The following JAK3 variants were observed in gnomAD, a reference collection of about 807,000 sequenced individuals.
The protein encoded by JAK3 is tyrosine-protein kinase JAK3.
JAK3 carries 88 observed loss-of-function variants against 120.8 expected under a neutral mutation model. The ratio of observed to expected loss-of-function variants is 0.73; its 90% CI spans 0.61 to 0.87. The LOEUF (loss-of-function observed/expected upper bound fraction) is 0.87, where lower values mean the gene tolerates loss of function less well. Among genes scored for constraint, JAK3 ranks in the 40% least tolerant of loss-of-function variants. The probability of loss-of-function intolerance (pLI) is 0.00; values close to 1 mark genes in which losing one functional copy is unlikely to be tolerated. For synonymous variants in JAK3, 592 were observed against 628.6 expected (o/e 0.94, Z 0.87); for missense variants, 1,254 against 1,501.4 (o/e 0.84, Z 2.72).
chr19:17,835,099 A>C lies in JAK3; in HGVS notation c.2031T>G (p.Ala677=). 1.2e-6 allele frequency: 2 copies of C among 1,614,018 alleles called. No homozygotes were observed. The highest frequency in any genetic ancestry group is 8.5e-7 in the Non-Finnish European group (1 of 1,180,024). Residue 677 remains alanine, a synonymous_variant, in exon 15 of 24, where the codon GCT becomes GCG. Coordinates refer to ENST00000458235, the MANE Select transcript of JAK3 (RefSeq NM_000215.4). The part of the protein sequence containing the change: ...IKLSDPGVSP[A]VLSLEMLTDR... ...GGAACTTACTCTCCAGGCTTAACAC[A>C]GCGGGGCTGACCCCAGGGTCACTCA...
rs761428464 is a variant in JAK3, at chr19:17,839,492, T to C, written c.1426A>G (p.Ile476Val). Reference protein sequence around the residue: ...GVAVTLTSCCIPRPKEKSNLI... With the variant: ...GVAVTLTSCCVPRPKEKSNLI... ...AGGGGCTCACCTTTGGGTCTGGGGA[T>C]ACAGCAGGAAGTGAGGGTCACTGCC... The change falls in exon 10 of 24, where the codon ATC (isoleucine) becomes GTC (valine). Residue 476 changes from isoleucine to valine, a missense_variant. Coordinates refer to ENST00000458235, the MANE Select transcript of JAK3 (RefSeq NM_000215.4). 3 of 1,587,988 alleles carry C rather than the reference T, an allele frequency of 1.9e-6. No homozygotes were observed. The highest frequency in any genetic ancestry group is 2.6e-6 in the Non-Finnish European group (3 of 1,166,580).
In JAK3 at chr19:17,844,218, C is replaced by G; in HGVS notation, c.184+16G>C. On this transcript the variant is annotated intron_variant, in intron 2 of 23. Coordinates refer to ENST00000458235, the MANE Select transcript of JAK3 (RefSeq NM_000215.4). ...CCATCCTTCCCTCTGGCCCGATCCACTAGGGATGCACTCACCGCTGGCCTT... is the reference window on the plus strand; with the variant it reads ...CCATCCTTCCCTCTGGCCCGATCCAGTAGGGATGCACTCACCGCTGGCCTT... 6.3e-7 allele frequency: 1 copy of G among 1,574,924 alleles called. No individual in the cohort carries two copies. The highest frequency in any genetic ancestry group is 1.3e-5 in the African/African-American group (1 of 74,122).
rs1310457819 is a variant in JAK3 at position 17,842,400 on chromosome 19, A to G, written c.777T>C (p.Pro259=). 3 of 1,584,112 alleles carry G rather than the reference A, an allele frequency of 1.9e-6. No individual in the cohort carries two copies. The South Asian group carries it at 3.4e-5, about 18-fold the overall frequency. ...GCCCGTCGTGGCCACCAAGGGCCCCAGGGAGGCCCACGTGGAAGGTCTCGG... is the reference window on the plus strand; with the variant it reads ...GCCCGTCGTGGCCACCAAGGGCCCCGGGGAGGCCCACGTGGAAGGTCTCGG... ...GAAETFHVGL[P]GALGGHDGLG... is the part of the protein sequence containing the mutation. The change falls in exon 6 of 24, where the codon CCT becomes CCC. Residue 259 remains proline, a synonymous_variant. Transcript: ENST00000458235. This position sits in a 1 kb window ranked among gnomAD's most constrained non-coding sequence, Gnocchi z 6.4.
In JAK3 at chr19:17,832,500, C is replaced by T. The variant is rs1296904840; in HGVS notation, c.2680+19G>A. On this transcript the variant is annotated intron_variant, in intron 19 of 23. Transcript: ENST00000458235. This position sits in a 1 kb window ranked among gnomAD's most constrained non-coding sequence, Gnocchi z 4.7. ...AAGCACCCATACGTCTTGGTTCACT[C>T]ATCCGGGAGCTGGCTCACCCGGGCC... 1.9e-6 allele frequency: 3 copies of T among 1,613,740 alleles called. No homozygotes were observed. Among genetic ancestry groups the T allele is most frequent in the South Asian group, 1.1e-5 (1 of 91,066 alleles).
rs753780399 is a variant in JAK3, at chr19:17,838,083, C to T, written c.1570-20G>A. ...CTCATGCTGAATGGTGAGGGGACAG[C>T]AGAAGAGGCCAGTGAGGGGGTTCCT... is the stretch of plus-strand genomic sequence containing the variant. On this transcript the variant is annotated intron_variant, in intron 11 of 23. Transcript: ENST00000458235. 2.5e-6 allele frequency: 4 copies of T among 1,614,096 alleles called. No individual in the cohort carries two copies. In the East Asian group the frequency reaches 8.9e-5, roughly 36 times the overall value.
At chr19:17,833,091 G>A (rs752104073) in intron 17 of JAK3, among the ~76,000 whole-genome samples, 162 bp from the exon 18 acceptor site, 1 of 152,212 alleles carries the variant, frequency 6.6e-6, no homozygotes, top group Non-Finnish European at 1.5e-5. Flanking sequence ...GGAAAAAGGT[G>A]TCTCCCACTC....
intron 23 of JAK3, among the ~76,000 whole-genome samples, chr19:17,829,269 AT>A (rs1568400328): frequency 2.6e-5 from 4 of 152,146 alleles, no homozygotes. Context: ...GGTTCAAGCA[AT>A]TCTCCTGCCT....
At chr19:17,837,894 A>G (rs1348799189) in intron 12 of JAK3, 38 bp downstream of exon 12, 1 of 1,613,522 alleles carries the variant, frequency 6.2e-7, no homozygotes, top group Non-Finnish European at 8.5e-7. Context: ...CTCTCCAGCC[A>G]GCCCCGACTC....
chr19:17,838,737 A>T, intron 10 of JAK3, among the ~76,000 whole-genome samples: 1 of 90,838 alleles, frequency 1.1e-5, no homozygotes, highest in Non-Finnish European at 2.3e-5. Flanking sequence ...TTTTTTTGAG[A>T]CAGAGTCTCG....
intron 1 of JAK3, 46 bp downstream of exon 1, chr19:17,847,900 C>A: frequency 1.1e-6 from 1 of 912,540 alleles, no homozygotes; most frequent in Non-Finnish European, 1.3e-6. Context: ...CACCACCATC[C>A]TCCCCCAGTG....
intron 1 of JAK3, among the ~76,000 whole-genome samples, chr19:17,846,607 C>T (rs773112467): frequency 1.1e-4 from 16 of 152,196 alleles, no homozygotes; most frequent in Non-Finnish European, 1.8e-4. Flanking sequence ...TTTTTTGAGA[C>T]GGAGTCTCGC....
At chr19:17,838,171 G>A in intron 11 of JAK3, 92 bp downstream of exon 11, 4 of 1,612,100 alleles carry the variant, frequency 2.5e-6, no homozygotes, top group Non-Finnish European at 3.4e-6. Context: ...GAAAACCGAG[G>A]CAAGGTAAAA....
At chr19:17,836,206 C>T (rs1211099557) in intron 13 of JAK3, among the ~76,000 whole-genome samples, 155 bp from the exon 14 acceptor site, 1 of 152,190 alleles carries the variant, frequency 6.6e-6, no homozygotes, top group Non-Finnish European at 1.5e-5. Flanking sequence ...CACCTCTCCT[C>T]CCACCTCCAT....
chr19:17,844,897 C>T (rs2094248738), intron 1 of JAK3, among the ~76,000 whole-genome samples: 1 of 152,082 alleles, frequency 6.6e-6, no homozygotes, highest in African/African-American at 2.4e-5. Flanking sequence ...GCCCCCAACA[C>T]CTCCCACCCG....
In JAK3 at chr19:17,836,002, C is replaced by G; in HGVS notation, c.1836G>C (p.Leu612=). The stretch of plus-strand genomic sequence containing the variant: ...CTGGCACCAGGTGGCCACGTTTTCG[C>G]AGATACATGTCTATGGCCCCCAGGT... The part of the protein sequence containing the change: ...FVHLGAIDMY[L]RKRGHLVPAS... Residue 612 remains leucine (L), a synonymous_variant, in exon 14 of 24, where the codon CTG becomes CTC. Transcript: ENST00000458235. 1 of 1,614,152 alleles carries G rather than the reference C, an allele frequency of 6.2e-7. No individual in the cohort carries two copies. Among genetic ancestry groups the G allele is most frequent in the South Asian group, 1.1e-5 (1 of 91,086 alleles).
chr19:17,831,598 A>C lies in JAK3; in HGVS notation c.2805+76T>G. 2 of 1,548,006 alleles carry C rather than the reference A, an allele frequency of 1.3e-6. No homozygotes were observed. The highest frequency in any genetic ancestry group is 1.7e-6 in the Non-Finnish European group (2 of 1,149,056). Reference sequence around the variant, plus strand: ...GACCCCAAACCACTCCTCAGCCTTCACCGCGACCTCCAAGCAGACCCCTGC... The same window carrying C: ...GACCCCAAACCACTCCTCAGCCTTCCCCGCGACCTCCAAGCAGACCCCTGC... On this transcript the variant is annotated intron_variant, in intron 20 of 23. Coordinates refer to ENST00000458235, the MANE Select transcript of JAK3 (RefSeq NM_000215.4). This position sits in a 1 kb window ranked among gnomAD's most constrained non-coding sequence, Gnocchi z 5.1.
chr19:17,827,004 G>T (rs1432346534), intron 23 of JAK3, 94 bp from the exon 24 acceptor site: 1 of 1,390,332 alleles, frequency 7.2e-7, no homozygotes, highest in African/African-American at 1.4e-5. Flanking sequence ...TTTTGAGACG[G>T]AGTCTAGCTC....
intron 22 of JAK3, 103 bp from the exon 23 acceptor site, chr19:17,830,321 G>A: frequency 1.0e-6 from 1 of 986,758 alleles, no homozygotes; most frequent in South Asian, 1.4e-5. Context: ...ATGGAGCGGG[G>A]AGGGGCTGCC....
chr19:17,830,759 G>A, intron 21 of JAK3, 139 bp from the exon 22 acceptor site: 1 of 708,186 alleles, frequency 1.4e-6, no homozygotes, highest in Middle Eastern at 2.4e-4. Context: ...CGGTTTCCCT[G>A]GCTGTGGGAT....
Sources: allele counts gnomAD v4.1 joint callset (sites outside exome capture counted in the v4.1 genomes callset), GRCh38; gene constraint gnomAD v4.1.1; non-coding constraint Gnocchi (gnomAD v3.1); transcripts MANE v1.5; gene names NCBI Gene and HGNC (gene_info 2026-07-23, HGNC 2026-07-21).